KIF16B: variants seen among roughly 807,000 people sequenced by gnomAD.
KIF16B encodes the protein kinesin family member 16B.
KIF16B carries 98 observed loss-of-function variants against 156.3 expected under a neutral mutation model. The ratio of observed to expected loss-of-function variants is 0.63; its 90% confidence interval spans 0.53 to 0.74. The LOEUF (loss-of-function observed/expected upper bound fraction) is 0.74. KIF16B is among the 30% of genes least tolerant of loss of function. The pLI is 0.00. For missense variants in KIF16B, 1,421 were observed against 1,606.5 expected (o/e 0.88, Z 1.97); for synonymous variants, 564 against 583.7 (o/e 0.97, Z 0.49).
chr20:16,511,296 T>C (rs921577359), intron 6 of KIF16B, 122 bp downstream of exon 6: 13 of 509,726 alleles, frequency 2.6e-5, no homozygotes, highest in Non-Finnish European at 4.2e-5. Context: ...ATTCTTACTA[T>C]AATAAAATTC....
intron 23 of KIF16B, among the ~76,000 whole-genome samples, chr20:16,353,124 TA>T (rs2064372299): frequency 6.6e-6 from 1 of 152,204 alleles, no homozygotes; most frequent in African/African-American, 2.4e-5. Flanking sequence ...CAAAAAAGCT[TA>T]AAACTGAAGA....
intron 12 of KIF16B, among the ~76,000 whole-genome samples, chr20:16,447,856 A>C (rs2066975926): frequency 6.6e-6 from 1 of 152,182 alleles, no homozygotes; most frequent in South Asian, 2.1e-4. Flanking sequence ...CTGTTGTCAC[A>C]GCTACTCAGG....
In KIF16B at chr20:16,381,698, T is replaced by C. The variant is rs1368253099; in HGVS notation, c.1834A>G (p.Lys612Glu). The change falls in exon 18 of 26, where the codon AAA becomes GAA. Residue 612 changes from lysine (K) to glutamate (E), a missense_variant. Transcript: ENST00000354981. The part of the protein sequence containing the change: ...QREELEKLES[K>E]RKLIEEMEEK... ...CTTGAACCCCATGTGACTTACCTTT[T>C]ACTTTCTAATTTTTCAAGTTCTTCA... 31 of 1,612,080 alleles carry C rather than the reference T, an allele frequency of 1.9e-5. No individual in the cohort carries two copies. Among genetic ancestry groups the C allele is most frequent in the Non-Finnish European group, 2.5e-5 (30 of 1,178,834 alleles).
chr20:16,533,844 A>T (rs2069848089), intron 1 of KIF16B, among the ~76,000 whole-genome samples: 1 of 152,234 alleles, frequency 6.6e-6, no homozygotes, highest in South Asian at 2.1e-4. Flanking sequence ...AGATAATTAC[A>T]GGTCATCAAC....
chr20:16,536,420 T>C (rs984641703), intron 1 of KIF16B, among the ~76,000 whole-genome samples: 33 of 152,172 alleles, frequency 2.2e-4, no homozygotes, highest in South Asian at 4.1e-4. Flanking sequence ...TTCTAATGCT[T>C]GTAAGCAAAG....
chr20:16,382,147 GAGAGAGAGAGAA>G (rs1032254514), intron 17 of KIF16B: 12 of 1,323,168 alleles, frequency 9.1e-6, no homozygotes, highest in Non-Finnish European at 1.1e-5. Context: ...GGGAGGTGGA[GAGAGAGAGAGAA>G]AGAGAGAGAG....
At chr20:16,338,846 TGATTACTCC>T (rs1275368613) in intron 23 of KIF16B, among the ~76,000 whole-genome samples, 2 of 152,186 alleles carry the variant, frequency 1.3e-5, no homozygotes, top group African/African-American at 4.8e-5. Flanking sequence ...TCTTACAAAA[TGATTACTCC>T]TCTTTGTCCT....
intron 23 of KIF16B, among the ~76,000 whole-genome samples, chr20:16,337,435 A>C (rs2064060555): frequency 6.6e-6 from 1 of 152,182 alleles, no homozygotes; most frequent in Non-Finnish European, 1.5e-5. Flanking sequence ...GAGGATGTAC[A>C]TTTTTAAATT....
At chr20:16,312,910 C>T (rs903531766) in intron 24 of KIF16B, among the ~76,000 whole-genome samples, 2 of 151,820 alleles carry the variant, frequency 1.3e-5, no homozygotes, top group Non-Finnish European at 2.9e-5. Flanking sequence ...TTCAGTATTG[C>T]CTTTTCAGTT....
intron 22 of KIF16B, among the ~76,000 whole-genome samples, chr20:16,365,418 AT>A (rs1399477029): frequency 2.0e-5 from 3 of 152,120 alleles, no homozygotes; most frequent in African/African-American, 7.2e-5. Context: ...GTAATAAGGT[AT>A]TTATGTGTGG....
chr20:16,277,779 GA>G (rs1049780472), intron 25 of KIF16B, among the ~76,000 whole-genome samples: 1 of 152,098 alleles, frequency 6.6e-6, no homozygotes, highest in African/African-American at 2.4e-5. Context: ...GGCAAAGTGG[GA>G]AAAAGATTTG....
chr20:16,387,689 A>G (rs1568923516), intron 17 of KIF16B, among the ~76,000 whole-genome samples: 2 of 152,204 alleles, frequency 1.3e-5, no homozygotes, highest in Admixed American at 6.5e-5. Flanking sequence ...CTGTACGGAC[A>G]GTCAAAGAGT....
At chr20:16,467,514 C>T (rs976789303) in intron 12 of KIF16B, among the ~76,000 whole-genome samples, 2 of 152,134 alleles carry the variant, frequency 1.3e-5, no homozygotes, top group Non-Finnish European at 2.9e-5. Flanking sequence ...ATGATTAATA[C>T]ACTAAGGGCA....
intron 23 of KIF16B, among the ~76,000 whole-genome samples, chr20:16,353,415 C>T (rs1160874232): frequency 1.3e-5 from 2 of 152,178 alleles, no homozygotes; most frequent in Non-Finnish European, 2.9e-5. Flanking sequence ...CATAATTGTA[C>T]ATCAAAAGTC....
At chr20:16,433,042 T>A (rs186532827) in intron 12 of KIF16B, among the ~76,000 whole-genome samples, 33 of 152,264 alleles carry the variant, frequency 2.2e-4, no homozygotes, top group Admixed American at 6.5e-4. Context: ...TAACCCCTAC[T>A]CCTACCTCTC....
At chr20:16,374,432 A>C in intron 19 of KIF16B, 23 bp from the exon 20 acceptor site, 1 of 1,494,726 alleles carries the variant, frequency 6.7e-7, no homozygotes, top group East Asian at 2.4e-5. Flanking sequence ...GAGCCACATA[A>C]TTCATTCATT....
intron 1 of KIF16B, among the ~76,000 whole-genome samples, chr20:16,539,906 T>G (rs1369046588): frequency 6.6e-6 from 1 of 152,242 alleles, no homozygotes; most frequent in Non-Finnish European, 1.5e-5. Flanking sequence ...AACTGAGACA[T>G]TAGCCTGGAA....
At chr20:16,477,783 G>C (rs2067861490) in intron 12 of KIF16B, among the ~76,000 whole-genome samples, 1 of 152,110 alleles carries the variant, frequency 6.6e-6, no homozygotes, top group Non-Finnish European at 1.5e-5. Context: ...CTCTTACTTG[G>C]CAGGAAGAAC....
chr20:16,275,254 C>T (rs2063043328), intron 25 of KIF16B, among the ~76,000 whole-genome samples: 1 of 152,098 alleles, frequency 6.6e-6, no homozygotes, highest in African/African-American at 2.4e-5. Context: ...CGGGGTTTCA[C>T]CATGTTGGCC....
Sources: allele counts gnomAD v4.1 joint callset (sites outside exome capture counted in the v4.1 genomes callset), GRCh38; gene constraint gnomAD v4.1.1; transcripts MANE v1.5; gene names NCBI Gene and HGNC (gene_info 2026-07-23, HGNC 2026-07-21).